MTHFD2L: variants seen among roughly 807,000 people sequenced by gnomAD.
The protein encoded by MTHFD2L is methylenetetrahydrofolate dehydrogenase (NADP+ dependent) 2 like.
Under a neutral mutation model 34.9 loss-of-function variants are expected in MTHFD2L, and 29 were observed. The observed-to-expected ratio is 0.83, with a 90% CI of 0.62 to 1.13. The LOEUF is 1.13. Ranked by LOEUF, MTHFD2L falls within the 50% of genes most tolerant of loss-of-function variation. The probability of loss-of-function intolerance (pLI) is 0.00; values close to 1 mark genes in which losing one functional copy is unlikely to be tolerated. For synonymous variants in MTHFD2L, 167 were observed against 155.7 expected (o/e 1.07, Z -0.54); for missense variants, 481 against 446.5 (o/e 1.08, Z -0.70).
chr4:74,156,846 G>A (rs486172), upstream of MTHFD2L: 150,006 of 152,272 alleles, frequency 0.99, 73,925 homozygotes, highest in East Asian at 1. Flanking sequence ...ACCTCTGTAT[G>A]CCTTTTTTGG....
chr4:74,158,306 G>A (rs756007197), intron 1 of MTHFD2L, 25 bp downstream of exon 1: 21 of 1,257,022 alleles, frequency 1.7e-5, no homozygotes, highest in Non-Finnish European at 2.0e-5. Flanking sequence ...GGCGCCGGGT[G>A]CGGAGCCGCT....
intron 7 of MTHFD2L, among the ~76,000 whole-genome samples, chr4:74,297,515 G>A (rs143610254): frequency 1.8e-4 from 27 of 151,986 alleles, no homozygotes; most frequent in South Asian, 4.1e-4. Context: ...AAATTAAGTC[G>A]CTGAAGGAAA....
chr4:74,170,816 A>G (rs1265346), intron 1 of MTHFD2L, among the ~76,000 whole-genome samples: 23,641 of 151,842 alleles, frequency 0.16, 4,011 homozygotes, highest in African/African-American at 0.42. Flanking sequence ...TGATGAGTTC[A>G]TGTCCTTTGT....
upstream of MTHFD2L, among the ~76,000 whole-genome samples, chr4:74,155,671 C>T (rs770696620): frequency 6.6e-6 from 1 of 151,778 alleles, no homozygotes. Context: ...CAATAAAGAA[C>T]ATTAGATTTT....
chr4:74,219,265 A>G (rs568055150), intron 5 of MTHFD2L, among the ~76,000 whole-genome samples: 12 of 152,232 alleles, frequency 7.9e-5, no homozygotes, highest in African/African-American at 2.9e-4. Flanking sequence ...TTAGAAACAT[A>G]TTATAAAACA....
chr4:74,282,364 A>G (rs1747612277), intron 7 of MTHFD2L, among the ~76,000 whole-genome samples: 1 of 152,144 alleles, frequency 6.6e-6, no homozygotes, highest in Non-Finnish European at 1.5e-5. Context: ...TTCTGGCCAA[A>G]AAATACAGTG....
chr4:74,248,176 C>T (rs1742768740), intron 6 of MTHFD2L, among the ~76,000 whole-genome samples: 1 of 151,764 alleles, frequency 6.6e-6, no homozygotes, highest in Non-Finnish European at 1.5e-5. Context: ...CTGGTCTATT[C>T]AGAGATTCAA....
At chr4:74,180,037 C>T (rs1275785558) in intron 3 of MTHFD2L, among the ~76,000 whole-genome samples, 1 of 152,052 alleles carries the variant, frequency 6.6e-6, no homozygotes. Flanking sequence ...AAGAACTGTT[C>T]CCTTTTGCAC....
chr4:74,149,460 C>T (rs1412333418), intron 1 of MTHFD2L, among the ~76,000 whole-genome samples: 1 of 146,834 alleles, frequency 6.8e-6, no homozygotes, highest in East Asian at 1.9e-4. Context: ...TTTGGAAACA[C>T]GGAGTAAAAG....
intron 6 of MTHFD2L, among the ~76,000 whole-genome samples, chr4:74,249,784 T>G (rs1743043910): frequency 6.6e-6 from 1 of 152,192 alleles, no homozygotes; most frequent in South Asian, 2.1e-4. Context: ...AAAATTCTTT[T>G]CTTTAAGAAT....
chr4:74,174,471 T>A, intron 1 of MTHFD2L, 35 bp from the exon 2 acceptor site: 10 of 1,355,778 alleles, frequency 7.4e-6, no homozygotes, highest in Non-Finnish European at 9.6e-6. Flanking sequence ...TGTTTCTTAT[T>A]TTCTTTTTAG....
chr4:74,183,192 A>G (rs1188306406), intron 3 of MTHFD2L: 1 of 152,216 alleles, frequency 6.6e-6, no homozygotes, highest in Non-Finnish European at 1.5e-5. Context: ...AATGCAAGCA[A>G]GAAGACAATA....
At chr4:74,235,311 A>C (rs936299008) in intron 6 of MTHFD2L, among the ~76,000 whole-genome samples, 2 of 152,184 alleles carry the variant, frequency 1.3e-5, no homozygotes, top group Non-Finnish European at 2.9e-5. Context: ...GAGAAGGAAA[A>C]ACAGGAAGTA....
chr4:74,203,891 T>C (rs1253316890), intron 5 of MTHFD2L, among the ~76,000 whole-genome samples: 6 of 36,966 alleles, frequency 1.6e-4, no homozygotes, highest in Non-Finnish European at 3.8e-4. Context: ...CAAGAGCCAA[T>C]TTGCAGTTTT....
intron 1 of MTHFD2L, among the ~76,000 whole-genome samples, chr4:74,135,023 G>A (rs781233401): frequency 6.6e-6 from 1 of 152,124 alleles, no homozygotes; most frequent in Non-Finnish European, 1.5e-5. Context: ...AGAGAGCAGA[G>A]CAGGAGCAAG....
At chr4:74,123,109 A>G (rs1056201911), upstream of MTHFD2L, among the ~76,000 whole-genome samples, 1 of 152,154 alleles carries the variant, frequency 6.6e-6, no homozygotes, top group Non-Finnish European at 1.5e-5. Flanking sequence ...CATGCTGAAA[A>G]TTTGCTGAGA....
At chr4:74,148,389 T>TTATTTATC (rs1396814009) in intron 1 of MTHFD2L, among the ~76,000 whole-genome samples, 19 of 118,020 alleles carry the variant, frequency 1.6e-4, no homozygotes, top group African/African-American at 5.3e-4. Context: ...ATTTATTTAT[T>TTATTTATC]TATCTATCTA....
At chr4:74,178,939 A>G (rs1381006786) in intron 3 of MTHFD2L, among the ~76,000 whole-genome samples, 1 of 152,038 alleles carries the variant, frequency 6.6e-6, no homozygotes, top group Non-Finnish European at 1.5e-5. Context: ...GAATACTCTT[A>G]CCGATTATGT....
chr4:74,156,727 A>AT (rs1027239508), upstream of MTHFD2L: 2 of 152,246 alleles, frequency 1.3e-5, no homozygotes, highest in Middle Eastern at 3.4e-3. Context: ...CGTATTATCA[A>AT]TTTTTTGGAC....
Sources: allele counts gnomAD v4.1 joint callset (sites outside exome capture counted in the v4.1 genomes callset), GRCh38; gene constraint gnomAD v4.1.1; transcripts MANE v1.5; gene names NCBI Gene and HGNC (gene_info 2026-07-23, HGNC 2026-07-21).